Variants in SLC25A41 observed in about 807,000 individuals in gnomAD.
SLC25A41 encodes mitochondrial carrier protein SCaMC-3L.
SLC25A41 carries 35 observed loss-of-function variants against 34.7 expected under a neutral mutation model. The ratio of observed to expected loss-of-function variants is 1.01; its 90% confidence interval spans 0.77 to 1.34. The LOEUF is 1.34. SLC25A41 is among the 40% of genes most tolerant of loss of function. SLC25A41 has a pLI of 0.00. For synonymous variants in SLC25A41, 190 were observed against 209.9 expected (o/e 0.91, Z 0.82); for missense variants, 492 against 489.8 (o/e 1.00, Z -0.04).
At position 6,430,043 on chromosome 19, in the gene SLC25A41, G is replaced by C; in HGVS notation, c.482C>G (p.Pro161Arg). The C allele has an allele frequency of 6.2e-7, 1 of 1,612,486 alleles. No individual in the cohort carries two copies. ...TACGGAGAACTTGATGGCATACTCA[G>C]GAGCAATCTTGAGCACGTTGATGCC... The part of the protein sequence containing the change: ...GNGINVLKIA[P>R]EYAIKFSVFE... Residue 161 changes from proline (P) to arginine (R), a missense_variant, in exon 3 of 7, where the codon CCT (proline) becomes CGT (arginine). Transcript: ENST00000321510.
intron 4 of SLC25A41, among the ~76,000 whole-genome samples, chr19:6,429,507 G>GGAAA (rs2092273793): frequency 2.5e-5 from 3 of 118,548 alleles, no homozygotes; most frequent in African/African-American, 9.3e-5. Context: ...GAAAGGAGGA[G>GGAAA]GAGGAGAGGA....
chr19:6,426,490 C>G lies in SLC25A41; in HGVS notation c.1012G>C (p.Gly338Arg), dbSNP rs1427554066. 6.2e-7 allele frequency: 1 copy of G among 1,613,650 alleles called. No individual in the cohort carries two copies. Among genetic ancestry groups the G allele is most frequent in the Non-Finnish European group, 8.5e-7 (1 of 1,179,850 alleles). Reference sequence around the variant, plus strand: ...GTGGGGGTCATGCCTCGGTACAGCCCTAGCCAGCCCTGCTGGGCCAGGATC... The same window carrying G: ...GTGGGGGTCATGCCTCGGTACAGCCGTAGCCAGCCCTGCTGGGCCAGGATC... Reference protein sequence around the residue: ...QRILAQQGWLGLYRGMTPTLL... With the variant: ...QRILAQQGWLRLYRGMTPTLL... The change falls in exon 7 of 7, where the codon GGG becomes CGG. Residue 338 changes from glycine (G) to arginine (R), a missense_variant. Gly to Arg is a moderately radical substitution (Grantham distance 125, BLOSUM62 -2). Coordinates refer to ENST00000321510, the MANE Select transcript of SLC25A41 (RefSeq NM_173637.4).
rs899756033 is a variant in SLC25A41 at position 6,426,244 on chromosome 19, AG to A, written c.*144del. 7.8e-6 allele frequency: 3 copies of A among 386,876 alleles called. No individual in the cohort carries two copies. The highest frequency in any genetic ancestry group is 4.2e-5 in the African/African-American group (2 of 47,692). The allele number at this position is 386,876 out of a possible 1,614,324, so 24.0% of individuals were successfully genotyped here. On this transcript the variant is annotated 3_prime_UTR_variant, in exon 7 of 7. Transcript: ENST00000321510. ...CAGCTTCAGGAATCTTCTGACCCAG[AG>A]CCCCACCCCCACCCCCAGCCTGCTT...
At position 6,426,165 on chromosome 19, in the gene SLC25A41, G is replaced by T. The variant is rs2092238314; in HGVS notation, c.*224C>A. ...TGTCTCAGGCTGCACCCTGGGGAGGGAGTCCCAGGAGTTTTCTGACCCAGC... is the reference window on the plus strand; with the variant it reads ...TGTCTCAGGCTGCACCCTGGGGAGGTAGTCCCAGGAGTTTTCTGACCCAGC... On this transcript the variant is annotated 3_prime_UTR_variant, in exon 7 of 7. Coordinates refer to ENST00000321510, the MANE Select transcript of SLC25A41 (RefSeq NM_173637.4). 1 of 523,968 alleles carries T rather than the reference G, an allele frequency of 1.9e-6. No individual in the cohort carries two copies. The highest frequency in any genetic ancestry group is 1.9e-5 in the African/African-American group (1 of 53,014). The allele number at this position is 523,968 out of a possible 1,614,324, so 32.5% of individuals were successfully genotyped here.
chr19:6,431,725 G>A (rs1158700123), intron 2 of SLC25A41, among the ~76,000 whole-genome samples: 1 of 152,092 alleles, frequency 6.6e-6, no homozygotes, highest in Non-Finnish European at 1.5e-5. Flanking sequence ...TTAGAGGCAT[G>A]AGCCACTGCA....
intron 4 of SLC25A41, among the ~76,000 whole-genome samples, chr19:6,429,029 A>ATATATTATATATATGT (rs1435074536): frequency 2.1e-5 from 1 of 46,822 alleles, no homozygotes; most frequent in Non-Finnish European, 3.2e-5. Context: ...AAATTTATAT[A>ATATATTATATATATGT]TATATATATA....
chr19:6,429,668 C>G (rs2092275578), intron 4 of SLC25A41, 56 bp downstream of exon 4: 7 of 1,319,052 alleles, frequency 5.3e-6, no homozygotes, highest in African/African-American at 1.5e-5. Context: ...GCCCCAGCAA[C>G]GTGGGTAACT....
At chr19:6,429,467 GGA>G (rs2092272775) in intron 4 of SLC25A41, among the ~76,000 whole-genome samples, 1 of 99,832 alleles carries the variant, frequency 1.0e-5, no homozygotes, top group Non-Finnish European at 2.3e-5. Flanking sequence ...GAGGGGAGGA[GGA>G]GAGGAAAGAG....
rs1345178742 is a variant in SLC25A41 at position 6,427,489 on chromosome 19, G to A, written c.637C>T (p.Arg213Trp). The change falls in exon 5 of 7, where the codon CGG becomes TGG. Residue 213 changes from arginine (R) to tryptophan (W), a missense_variant. Coordinates refer to ENST00000321510, the MANE Select transcript of SLC25A41 (RefSeq NM_173637.4). This position sits in a 1 kb window ranked among gnomAD's most constrained non-coding sequence, Gnocchi z 4.9. ...TGGCCCGTCCGACGCAAGGTCAACC[G>A]CGTCTTCAGCACCTGAGGATGGCGG... ...LINPMEVLKT[R>W]LTLRRTGQYK... is the part of the protein sequence containing the mutation. The A allele has an allele frequency of 3.9e-6, 6 of 1,543,436 alleles. No individual in the cohort carries two copies. The highest frequency in any genetic ancestry group is 1.4e-5 in the African/African-American group (1 of 73,338).
rs74640863 is a variant in SLC25A41 at position 6,430,230 on chromosome 19, C to T, written c.364-69G>A. 9,441 of 1,493,212 alleles carry T rather than the reference C, an allele frequency of 6.3e-3. 35 individuals are homozygous for T. Among genetic ancestry groups the T allele is most frequent in the Non-Finnish European group, 7.8e-3 (8,738 of 1,121,426 alleles). The allele number at this position is 1,493,212 out of a possible 1,614,324, so 92.5% of individuals were successfully genotyped here. On this transcript the variant is annotated intron_variant, in intron 2 of 6. Transcript: ENST00000321510. ...TCTCCGTCCCCATCCCTGCCCCAAG[C>T]GCAGCCCCACCGGGACCTCCCAAGC...
At position 6,426,177 on chromosome 19, in the gene SLC25A41, T is replaced by G; in HGVS notation, c.*212A>C. ...CACCCTGGGGAGGGAGTCCCAGGAG[T>G]TTTCTGACCCAGCACTGCCCCCCTC... On this transcript the variant is annotated 3_prime_UTR_variant, in exon 7 of 7. Transcript: ENST00000321510. 1 of 523,428 alleles carries G rather than the reference T, an allele frequency of 1.9e-6. No homozygotes were observed. The highest frequency in any genetic ancestry group is 1.9e-5 in the African/African-American group (1 of 52,422). The allele number at this position is 523,428 out of a possible 1,614,324, so 32.4% of individuals were successfully genotyped here.
chr19:6,429,118 AT>A (rs2092263560), intron 4 of SLC25A41, among the ~76,000 whole-genome samples: 1 of 55,648 alleles, frequency 1.8e-5, no homozygotes, highest in African/African-American at 1.1e-4. Flanking sequence ...TAATATATAT[AT>A]TATATATATG....
Position 6,426,245 on chromosome 19 carries a change from G to GCCCC in SLC25A41, c.*140_*143dup. ...AGCTTCAGGAATCTTCTGACCCAGA[G>GCCCC]CCCCACCCCCACCCCCAGCCTGCTT... On this transcript the variant is annotated 3_prime_UTR_variant, in exon 7 of 7. Transcript: ENST00000321510. 1 of 555,694 alleles carries GCCCC rather than the reference G, an allele frequency of 1.8e-6. No individual in the cohort carries two copies. The highest frequency in any genetic ancestry group is 2.8e-6 in the Non-Finnish European group (1 of 360,490). 34.4% of individuals were successfully genotyped at this position (555,694 alleles called of 1,614,324 possible).
At position 6,427,226 on chromosome 19, in the gene SLC25A41, A is replaced by G. The variant is rs1213130986; in HGVS notation, c.817T>C (p.Ser273Pro). Residue 273 changes from serine (S) to proline (P), a missense_variant, in exon 6 of 7, where the codon TCA (serine) becomes CCA (proline). By Grantham distance (74) the Ser-to-Pro change is moderately conservative. Coordinates refer to ENST00000321510, the MANE Select transcript of SLC25A41 (RefSeq NM_173637.4). The surrounding 1 kb of genome is among the most constrained non-coding windows in gnomAD (Gnocchi z 4.9). ...CTGGGGTCCCCCATATCCCTGCCTG[A>G]CTTCACCCAGAAGCACTGGAGCATC... Reference protein sequence around the residue: ...YEMLQCFWVKSGRDMGDPSGL... With the variant: ...YEMLQCFWVKPGRDMGDPSGL... 3.1e-6 allele frequency: 5 copies of G among 1,612,716 alleles called. No homozygotes were observed. The highest frequency in any genetic ancestry group is 4.2e-6 in the Non-Finnish European group (5 of 1,179,814).
At position 6,430,168 on chromosome 19, in the gene SLC25A41, G is replaced by A. The variant is rs1403618695; in HGVS notation, c.364-7C>T. On this transcript the variant is annotated splice_polypyrimidine_tract_variant and splice_region_variant and intron_variant, in intron 2 of 6. Transcript: ENST00000321510. Reference sequence around the variant, plus strand: ...TCGTCTTGGAGGAGTAGACCTGGGTGGAGGGAGGACCCTGGAGGAGCCCCT... The same window carrying A: ...TCGTCTTGGAGGAGTAGACCTGGGTAGAGGGAGGACCCTGGAGGAGCCCCT... The A allele has an allele frequency of 6.2e-7, 1 of 1,608,630 alleles. No individual in the cohort carries two copies. Among genetic ancestry groups the A allele is most frequent in the Admixed American group, 1.7e-5 (1 of 59,378 alleles).
chr19:6,429,769 G>T lies in SLC25A41; in HGVS notation c.579C>A (p.Gly193=), dbSNP rs1307070216. 1.9e-6 allele frequency: 3 copies of T among 1,609,812 alleles called. No individual in the cohort carries two copies. The highest frequency in any genetic ancestry group is 1.7e-6 in the Non-Finnish European group (2 of 1,178,366). The change falls in exon 4 of 7, where the codon GGC becomes GGA. Residue 193 remains glycine, a synonymous_variant. Coordinates refer to ENST00000321510, the MANE Select transcript of SLC25A41 (RefSeq NM_173637.4). ...SPPFQERLLA[G]SLAVAISQTL... The stretch of plus-strand genomic sequence containing the variant: ...TCTGGGAGATGGCCACAGCCAGGGA[G>T]CCAGCAAGGAGACGCTCCTGGAAGG...
Position 6,426,548 on chromosome 19 carries a change from G to A in SLC25A41, c.954C>T (p.Gly318=). The A allele has an allele frequency of 6.2e-7, 1 of 1,612,900 alleles. No individual in the cohort carries two copies. Among genetic ancestry groups the A allele is most frequent in the Non-Finnish European group, 8.5e-7 (1 of 1,179,718 alleles). ...TRMQAQDTVE[G]SNPTMRGVLQ... Reference sequence around the variant, plus strand: ...GGACTCCGCGCATGGTGGGATTTGAGCCCTCCACGGTATCTGCAGGGACAC... The same window carrying A: ...GGACTCCGCGCATGGTGGGATTTGAACCCTCCACGGTATCTGCAGGGACAC... The change falls in exon 7 of 7, where the codon GGC becomes GGT. Residue 318 remains glycine (G), a synonymous_variant. Transcript: ENST00000321510.
intron 1 of SLC25A41, among the ~76,000 whole-genome samples, chr19:6,432,473 ATTTTTTTT>A (rs34519561): frequency 0.017 from 1,397 of 81,008 alleles, 15 homozygotes; most frequent in South Asian, 0.051. Context: ...ACAACACCTA[ATTTTTTTT>A]TTTTTTTTTT....
chr19:6,432,473 ATTTTTT>A (rs34519561), intron 1 of SLC25A41, among the ~76,000 whole-genome samples: 1 of 80,976 alleles, frequency 1.2e-5, no homozygotes, highest in African/African-American at 5.4e-5. Flanking sequence ...ACAACACCTA[ATTTTTT>A]TTTTTTTTTT....
Sources: gnomAD v4.1 joint callset for allele counts (sites outside exome capture counted in the v4.1 genomes callset) on GRCh38, gnomAD v4.1.1 for gene constraint, Gnocchi (gnomAD v3.1) non-coding constraint, MANE v1.5 for transcripts, NCBI Gene and HGNC (gene_info 2026-07-23, HGNC 2026-07-21) for gene names.